Variants in PRICKLE2 observed in about 807,000 individuals in gnomAD.
PRICKLE2 encodes prickle planar cell polarity protein 2.
PRICKLE2 carries 21 observed loss-of-function variants against 81.4 expected under a neutral mutation model. The observed-to-expected ratio is 0.26, with a 90% confidence interval of 0.18 to 0.37. The LOEUF is 0.37. PRICKLE2 is among the 10% of genes least tolerant of loss of function. The probability of loss-of-function intolerance (pLI) is 1.00; values close to 1 mark genes in which losing one functional copy is unlikely to be tolerated. For missense variants in PRICKLE2, 940 were observed against 1,109.0 expected (o/e 0.85, Z 2.16); for synonymous variants, 456 against 421.5 (o/e 1.08, Z -1.00).
intron 2 of PRICKLE2, among the ~76,000 whole-genome samples, chr3:64,165,999 TGTGTGTGTG>T (rs879418929): frequency 0.28 from 25,722 of 92,462 alleles, 2,328 homozygotes; most frequent in Non-Finnish European, 0.33. Context: ...TGTGTGTGTG[TGTGTGTGTG>T]TGTGTGTTTT....
At chr3:64,123,443 T>C (rs993501983) in intron 7 of PRICKLE2, among the ~76,000 whole-genome samples, 1 of 152,226 alleles carries the variant, frequency 6.6e-6, no homozygotes, top group Non-Finnish European at 1.5e-5. Flanking sequence ...TTTAGATTAG[T>C]GATGCTCAAC....
At chr3:64,259,067 T>G (rs2107187895) in intron 2 of PRICKLE2, among the ~76,000 whole-genome samples, 1 of 152,178 alleles carries the variant, frequency 6.6e-6, no homozygotes. Context: ...ATATTACACT[T>G]CAGTGAAAAG....
At position 64,092,558 on chromosome 3, in the gene PRICKLE2, G is replaced by C. The variant is rs1017972576; in HGVS notation, c.*6493C>G. 4 of 152,170 alleles carry C rather than the reference G, an allele frequency of 2.6e-5. No homozygotes were observed. Among genetic ancestry groups the C allele is most frequent in the African/African-American group, 4.8e-5 (2 of 41,442 alleles). The allele number at this position is 152,170 out of a possible 1,614,324, so 9.4% of individuals were successfully genotyped here. On this transcript the variant is annotated 3_prime_UTR_variant, in exon 8 of 8. Transcript: ENST00000638394. ...GTCCCTAATGTTGTGGATCAGACACGGGGAAATTGAATTTACATGCTGCCT... is the reference window on the plus strand; with the variant it reads ...GTCCCTAATGTTGTGGATCAGACACCGGGAAATTGAATTTACATGCTGCCT...
chr3:64,135,761 G>T (rs906640775), intron 7 of PRICKLE2, among the ~76,000 whole-genome samples: 1 of 151,964 alleles, frequency 6.6e-6, no homozygotes, highest in Non-Finnish European at 1.5e-5. Context: ...GAGCTATCTG[G>T]GTGCTCAAGG....
At chr3:64,169,041 C>T (rs139623944) in intron 2 of PRICKLE2, among the ~76,000 whole-genome samples, 437 of 152,188 alleles carry the variant, frequency 2.9e-3, no homozygotes, top group Middle Eastern at 0.01. Flanking sequence ...TCAATATACT[C>T]AGCTAAGAAT....
intron 7 of PRICKLE2, among the ~76,000 whole-genome samples, chr3:64,126,040 T>C (rs2106976153): frequency 6.6e-6 from 1 of 152,138 alleles, no homozygotes; most frequent in South Asian, 2.1e-4. Flanking sequence ...GGGAGAGTAA[T>C]CGTGGACAAT....
At chr3:64,230,314 A>C (rs2079085453), upstream of PRICKLE2, among the ~76,000 whole-genome samples, 1 of 152,218 alleles carries the variant, frequency 6.6e-6, no homozygotes, top group Non-Finnish European at 1.5e-5. Context: ...TTAAACACAT[A>C]ATGCCTTTAA....
chr3:64,116,438 T>C (rs1427592947), intron 7 of PRICKLE2, among the ~76,000 whole-genome samples: 1 of 151,654 alleles, frequency 6.6e-6, no homozygotes, highest in East Asian at 1.9e-4. Context: ...AATAATAAAA[T>C]AGATAGACCA....
chr3:64,231,820 T>C (rs697295), intron 2 of PRICKLE2, among the ~76,000 whole-genome samples: 128,963 of 152,178 alleles, frequency 0.85, 55,523 homozygotes, highest in South Asian at 0.93. Context: ...CAGATGAAGA[T>C]GCAGAGGTCC....
intron 7 of PRICKLE2, chr3:64,146,453 G>T (rs79159927): frequency 4.2e-6 from 1 of 237,994 alleles, no homozygotes; most frequent in East Asian, 9.8e-5. Context: ...ATTAAAATCC[G>T]GAGGACCAGG....
chr3:64,217,806 G>A (rs768733570), intron 1 of PRICKLE2, among the ~76,000 whole-genome samples: 22 of 152,182 alleles, frequency 1.4e-4, no homozygotes, highest in African/African-American at 2.7e-4. Context: ...GGTGATACAG[G>A]TGCCACATAT....
chr3:64,143,574 G>C (rs1230502606), intron 7 of PRICKLE2, among the ~76,000 whole-genome samples: 1 of 152,148 alleles, frequency 6.6e-6, no homozygotes, highest in Non-Finnish European at 1.5e-5. Context: ...ACAACGTGAG[G>C]ATGATACAGT....
At chr3:64,254,595 T>A (rs191862134) in intron 2 of PRICKLE2, among the ~76,000 whole-genome samples, 1 of 152,292 alleles carries the variant, frequency 6.6e-6, no homozygotes, top group East Asian at 1.9e-4. Context: ...TGACCAACAA[T>A]AATTTCTCTT....
chr3:64,222,974 A>G (rs2107151399), intron 1 of PRICKLE2, among the ~76,000 whole-genome samples: 1 of 152,282 alleles, frequency 6.6e-6, no homozygotes, highest in East Asian at 1.9e-4. Flanking sequence ...GGTCACTTTC[A>G]GTTCTGTGAA....
intron 2 of PRICKLE2, among the ~76,000 whole-genome samples, chr3:64,174,108 G>A (rs570681617): frequency 1.1e-4 from 16 of 152,138 alleles, no homozygotes; most frequent in Non-Finnish European, 1.8e-4. Context: ...CTGTGTTCTA[G>A]TAGGTCAGTG....
chr3:64,222,297 A>T (rs1446041959), intron 1 of PRICKLE2, among the ~76,000 whole-genome samples: 1 of 152,214 alleles, frequency 6.6e-6, no homozygotes, highest in African/African-American at 2.4e-5. Context: ...CGTGCAAAAC[A>T]CAACTCTACT....
chr3:64,181,297 A>G (rs1290380448), intron 2 of PRICKLE2, among the ~76,000 whole-genome samples: 1 of 152,106 alleles, frequency 6.6e-6, no homozygotes, highest in Non-Finnish European at 1.5e-5. Flanking sequence ...AGAGACAAGC[A>G]CTCAGCATCA....
chr3:64,161,350 C>T (rs1184481547), intron 3 of PRICKLE2, among the ~76,000 whole-genome samples: 1 of 152,154 alleles, frequency 6.6e-6, no homozygotes, highest in Non-Finnish European at 1.5e-5. Context: ...ATCTGGACAT[C>T]AGAAAGGTTA....
At chr3:64,242,789 C>T (rs923051576) in intron 2 of PRICKLE2, among the ~76,000 whole-genome samples, 1 of 152,226 alleles carries the variant, frequency 6.6e-6, no homozygotes, top group African/African-American at 2.4e-5. Context: ...AATCTGTGCA[C>T]CCTGCCAGCA....
Sources: gnomAD v4.1 joint callset for allele counts (sites outside exome capture counted in the v4.1 genomes callset) on GRCh38, gnomAD v4.1.1 for gene constraint, MANE v1.5 for transcripts, NCBI Gene and HGNC (gene_info 2026-07-23, HGNC 2026-07-21) for gene names.